The following PRKCH variants were observed in gnomAD, a reference collection of about 807,000 sequenced individuals.
PRKCH encodes the protein protein kinase C eta type.
Under a neutral mutation model 82.5 loss-of-function variants are expected in PRKCH, and 28 were observed. That is an observed-to-expected ratio of 0.34 (90% CI 0.25 to 0.47). PRKCH has a LOEUF of 0.47. PRKCH is among the 20% of genes least tolerant of loss of function. PRKCH has a pLI of 1.00. For synonymous variants in PRKCH, 322 were observed against 327.4 expected, an observed-to-expected ratio of 0.98 and a Z score of 0.18; for missense variants, 705 against 881.8, an observed-to-expected ratio of 0.80 and a Z score of 2.54.
chr14:61,280,974 G>T lies in PRKCH; in HGVS notation c.-19+93306G>T. 6.5e-7 allele frequency: 1 copy of T among 1,542,966 alleles called. No homozygotes were observed. The highest frequency in any genetic ancestry group is 2.4e-5 in the East Asian group (1 of 40,854). ...AGTCGTACTCCAGCTCCTTGATGCC[G>T]TTGGAGGAGTAGTAGAGGCCCAGGC... On this transcript the variant is annotated intron_variant, in intron 1 of 3. Transcript: ENST00000555185. The surrounding 1 kb of genome is among the most constrained non-coding windows in gnomAD (Gnocchi z 5.0).
At chr14:61,436,882 G>A (rs1263753023) in intron 2 of PRKCH, among the ~76,000 whole-genome samples, 2 of 152,320 alleles carry the variant, frequency 1.3e-5, no homozygotes, top group South Asian at 2.1e-4. Flanking sequence ...TTTGTCACAG[G>A]TGCTGGCACA....
At chr14:61,359,123 A>T (rs1346224234) in intron 1 of PRKCH, among the ~76,000 whole-genome samples, 2 of 152,142 alleles carry the variant, frequency 1.3e-5, no homozygotes, top group Non-Finnish European at 2.9e-5. Context: ...TGGATGCTTG[A>T]CATGTAGTAA....
Position 61,280,683 on chromosome 14 carries a change from G to A in PRKCH, c.-19+93015G>A, listed in dbSNP as rs1484029193. ...CGCCGCAGGGCGCGATGGGCAGGCC[G>A]GCCGCGCTGCGCTGGTAGGGGGCGC... On this transcript the variant is annotated intron_variant, in intron 1 of 3. Transcript: ENST00000555185. This position sits in a 1 kb window ranked among gnomAD's most constrained non-coding sequence, Gnocchi z 5.0. 1.9e-6 allele frequency: 3 copies of A among 1,575,520 alleles called. No individual in the cohort carries two copies. Among genetic ancestry groups the A allele is most frequent in the South Asian group, 1.1e-5 (1 of 87,080 alleles).
chr14:61,451,832 A>G (rs1338749686), intron 6 of PRKCH, among the ~76,000 whole-genome samples: 3 of 152,216 alleles, frequency 2.0e-5, no homozygotes, highest in African/African-American at 7.2e-5. Context: ...GCTTGGACTT[A>G]CAGAGCCTGC....
intron 2 of PRKCH, among the ~76,000 whole-genome samples, chr14:61,410,044 AT>A (rs935302693): frequency 5.9e-5 from 9 of 152,212 alleles, no homozygotes; most frequent in Non-Finnish European, 1.0e-4. Flanking sequence ...TTTTTACAGC[AT>A]TTGGCCTTTT....
Position 61,211,761 on chromosome 14 carries a change from C to G in PRKCH, c.-19+24093C>G, listed in dbSNP as rs555477437. Among the ~76,000 whole-genome samples, 20 of 152,244 alleles carry G rather than the reference C, an allele frequency of 1.3e-4. 1 individual carries two copies. The South Asian group carries it at 4.1e-3, about 32-fold the overall frequency. ...CCAAGTGCACCATGCATTTAATATC[C>G]CTCCACACTTAAGATTGCTCATGAT... On this transcript the variant is annotated intron_variant, in intron 1 of 3. Coordinates refer to the PRKCH transcript ENST00000555185.
At chr14:61,533,564 G>A (rs75561807) in intron 12 of PRKCH, among the ~76,000 whole-genome samples, 14 of 152,294 alleles carry the variant, frequency 9.2e-5, no homozygotes, top group African/African-American at 2.9e-4. Flanking sequence ...AGCTGCCTGG[G>A]GGCAGATCTT....
intron 1 of PRKCH, among the ~76,000 whole-genome samples, chr14:61,192,130 G>C (rs933869783): frequency 6.6e-6 from 1 of 151,928 alleles, no homozygotes; most frequent in South Asian, 2.1e-4. Flanking sequence ...AAATAGGAAG[G>C]TTTTAAGCAG....
At chr14:61,457,803 G>T (rs576351381) in intron 9 of PRKCH, 124 bp downstream of exon 9, 9 of 1,310,144 alleles carry the variant, frequency 6.9e-6, no homozygotes, top group Non-Finnish European at 9.5e-6. Flanking sequence ...CCAAGGCAGG[G>T]TCATATGGAG....
intron 1 of PRKCH, among the ~76,000 whole-genome samples, chr14:61,365,134 C>T (rs2046281696): frequency 6.6e-6 from 1 of 152,046 alleles, no homozygotes; most frequent in Non-Finnish European, 1.5e-5. Context: ...AAGATTCACA[C>T]TGAATTATAG....
At chr14:61,205,717 T>C (rs1293214636) in intron 1 of PRKCH, among the ~76,000 whole-genome samples, 1 of 152,066 alleles carries the variant, frequency 6.6e-6, no homozygotes, top group East Asian at 1.9e-4. Flanking sequence ...AGAGCTAAAA[T>C]ACAGGTAAAA....
chr14:61,288,342 G>C (rs1489934069), intron 1 of PRKCH, among the ~76,000 whole-genome samples: 2 of 152,150 alleles, frequency 1.3e-5, no homozygotes, highest in African/African-American at 4.8e-5. Context: ...CGATCCTCCT[G>C]CCTCAGCCTC....
At chr14:61,539,160 A>G (rs1047757607) in intron 12 of PRKCH, among the ~76,000 whole-genome samples, 2 of 152,198 alleles carry the variant, frequency 1.3e-5, no homozygotes, top group Non-Finnish European at 2.9e-5. Flanking sequence ...TTGGGTTTCC[A>G]TCTCCGAGAC....
At chr14:61,542,253 T>C (rs1003797619) in intron 12 of PRKCH, among the ~76,000 whole-genome samples, 6 of 151,834 alleles carry the variant, frequency 4.0e-5, no homozygotes, top group Non-Finnish European at 7.4e-5. Context: ...TTGTGCACCA[T>C]TGCACTCCAG....
chr14:61,357,600 T>A (rs553350575), intron 1 of PRKCH, among the ~76,000 whole-genome samples: 4 of 152,334 alleles, frequency 2.6e-5, no homozygotes, highest in African/African-American at 9.6e-5. Context: ...TTTGTGCTTC[T>A]CGTACCTACT....
chr14:61,465,071 T>C (rs1885196346), intron 9 of PRKCH, among the ~76,000 whole-genome samples: 1 of 152,198 alleles, frequency 6.6e-6, no homozygotes, highest in Non-Finnish European at 1.5e-5. Context: ...ATTTTAAAAT[T>C]GGGTTGTTTC....
intron 1 of PRKCH, among the ~76,000 whole-genome samples, chr14:61,215,110 C>A (rs763526626): frequency 6.6e-6 from 1 of 152,128 alleles, no homozygotes; most frequent in Non-Finnish European, 1.5e-5. Context: ...AGTTAGATGC[C>A]GTGATGGTTC....
chr14:61,476,133 T>A (rs941870279), intron 9 of PRKCH, among the ~76,000 whole-genome samples: 1 of 152,252 alleles, frequency 6.6e-6, no homozygotes, highest in Non-Finnish European at 1.5e-5. Flanking sequence ...CCTTTGCTTC[T>A]GTAAAATGGT....
rs75549118 is a variant in PRKCH at position 61,437,960 on chromosome 14, A to ACT, written c.428-5148_428-5147dup. Among the ~76,000 whole-genome samples the ACT allele has an allele frequency of 2.4e-4, 37 of 151,526 alleles. 1 individual carries two copies. The East Asian group carries it at 6.8e-3, about 28-fold the overall frequency. On this transcript the variant is annotated intron_variant, in intron 2 of 13. Transcript: ENST00000332981. Reference sequence around the variant, plus strand: ...AAAAAAAATCCTTTCTATTCCTAGAACTCTAGGGTAGTGTGAAGTAAGGGT... The same window carrying ACT: ...AAAAAAAATCCTTTCTATTCCTAGAACTCTCTAGGGTAGTGTGAAGTAAGGGT...
Sources: gnomAD v4.1 joint callset for allele counts (sites outside exome capture counted in the v4.1 genomes callset) on GRCh38, gnomAD v4.1.1 for gene constraint, Gnocchi (gnomAD v3.1) non-coding constraint, MANE v1.5 for transcripts, NCBI Gene and HGNC (gene_info 2026-07-23, HGNC 2026-07-21) for gene names.